Variants in NKAIN2 observed in about 807,000 individuals in gnomAD.
The protein encoded by NKAIN2 is sodium/potassium transporting ATPase interacting 2.
In NKAIN2, 14 loss-of-function variants were observed where a neutral mutation model predicts 32.6. The ratio of observed to expected loss-of-function variants is 0.43; its 90% CI spans 0.28 to 0.67. The LOEUF (loss-of-function observed/expected upper bound fraction) is 0.67. Among genes scored for constraint, NKAIN2 ranks in the 30% least tolerant of loss-of-function variants. The pLI is 0.17. For missense variants in NKAIN2, 198 were observed against 258.3 expected (o/e 0.77, Z 1.60); for synonymous variants, 80 against 87.2 (o/e 0.92, Z 0.46).
chr6:124,094,054 T>G (rs920245788), intron 1 of NKAIN2, among the ~76,000 whole-genome samples: 1 of 152,180 alleles, frequency 6.6e-6, no homozygotes, highest in African/African-American at 2.4e-5. Context: ...AACAGAGCTA[T>G]AGATGATCTC....
At chr6:124,814,859 G>A (rs530827815) in intron 5 of NKAIN2, among the ~76,000 whole-genome samples, 1 of 151,896 alleles carries the variant, frequency 6.6e-6, no homozygotes, top group Non-Finnish European at 1.5e-5. Context: ...TTTTTTTTCT[G>A]CCATCCCTCC....
chr6:124,504,984 A>G (rs1778421153), intron 3 of NKAIN2, among the ~76,000 whole-genome samples: 2 of 152,198 alleles, frequency 1.3e-5, no homozygotes, highest in Admixed American at 6.5e-5. Context: ...ATTTCACTAC[A>G]GGATGAGACT....
At position 124,688,112 on chromosome 6, in the gene NKAIN2, C is replaced by T. The variant is rs1270157039; in HGVS notation, c.474+29726C>T. ...TCTAATCTCCCAAATTTGATGATAACACTGAGTTTCTGTTAATTTACTTTT... is the reference window on the plus strand; with the variant it reads ...TCTAATCTCCCAAATTTGATGATAATACTGAGTTTCTGTTAATTTACTTTT... On this transcript the variant is annotated intron_variant, in intron 4 of 6. Transcript: ENST00000368417. Among the ~76,000 whole-genome samples the T allele has an allele frequency of 2.0e-5, 3 of 152,102 alleles. 1 individual carries two copies. The highest frequency in any genetic ancestry group is 2.4e-5 in the African/African-American group (1 of 41,500).
chr6:124,222,439 G>A (rs1435309974), intron 1 of NKAIN2, among the ~76,000 whole-genome samples: 1 of 152,190 alleles, frequency 6.6e-6, no homozygotes, highest in African/African-American at 2.4e-5. Flanking sequence ...ACAGTACAGG[G>A]TTGGGAGCAT....
chr6:124,246,756 C>A (rs552000598), intron 1 of NKAIN2, among the ~76,000 whole-genome samples: 1 of 152,040 alleles, frequency 6.6e-6, no homozygotes, highest in Non-Finnish European at 1.5e-5. Flanking sequence ...AGCTATCACC[C>A]GTTTTCTCTC....
intron 1 of NKAIN2, among the ~76,000 whole-genome samples, chr6:124,103,029 A>G (rs1364095831): frequency 2.0e-5 from 3 of 152,194 alleles, no homozygotes; most frequent in Non-Finnish European, 2.9e-5. Context: ...CTGAAAATCG[A>G]TGACTAAGAG....
chr6:123,851,900 TA>T (rs1390115680), intron 1 of NKAIN2, among the ~76,000 whole-genome samples: 1 of 152,238 alleles, frequency 6.6e-6, no homozygotes, highest in African/African-American at 2.4e-5. Flanking sequence ...TCAGTCTGTT[TA>T]TTTTTTAATT....
intron 1 of NKAIN2, among the ~76,000 whole-genome samples, chr6:123,995,854 A>G (rs1779600781): frequency 6.6e-6 from 1 of 152,198 alleles, no homozygotes; most frequent in South Asian, 2.1e-4. Context: ...CTGAAATATT[A>G]TGTCTGTCAT....
intron 1 of NKAIN2, among the ~76,000 whole-genome samples, chr6:124,252,784 G>C (rs1793746234): frequency 6.6e-6 from 1 of 151,994 alleles, no homozygotes; most frequent in African/African-American, 2.4e-5. Context: ...GTGATTTTAG[G>C]CAAGTTACTT....
chr6:123,866,518 C>T (rs1023490719), intron 1 of NKAIN2, among the ~76,000 whole-genome samples: 1 of 152,082 alleles, frequency 6.6e-6, no homozygotes, highest in African/African-American at 2.4e-5. Flanking sequence ...GCAAGCTCCG[C>T]CTCCTGGATT....
At chr6:124,651,209 C>G (rs146530927) in intron 3 of NKAIN2, among the ~76,000 whole-genome samples, 167 of 151,924 alleles carry the variant, frequency 1.1e-3, no homozygotes, top group African/African-American at 3.8e-3. Flanking sequence ...TTTAGGCAGC[C>G]CCACCTCTAT....
At position 123,937,491 on chromosome 6, in the gene NKAIN2, A is replaced by G. The variant is rs1776571068; in HGVS notation, c.54+133237A>G. Among the ~76,000 whole-genome samples the G allele has an allele frequency of 5.3e-5, 8 of 152,234 alleles. No homozygotes were observed. The South Asian group carries it at 1.7e-3, about 32-fold the overall frequency. On this transcript the variant is annotated intron_variant, in intron 1 of 6. Coordinates refer to ENST00000368417, the MANE Select transcript of NKAIN2 (RefSeq NM_001040214.3). ...TTGACACTTATTTGCTCCAGTTTAT[A>G]TAATAAAAACATTGAGAGTGTACGA...
chr6:124,638,154 C>A (rs1049720910), intron 3 of NKAIN2, among the ~76,000 whole-genome samples: 2 of 152,118 alleles, frequency 1.3e-5, no homozygotes, highest in Non-Finnish European at 2.9e-5. Context: ...CAAGAACATA[C>A]ATTGGAGAAA....
intron 1 of NKAIN2, among the ~76,000 whole-genome samples, chr6:123,928,152 A>C (rs1358670502): frequency 1.3e-5 from 2 of 152,210 alleles, no homozygotes; most frequent in Non-Finnish European, 2.9e-5. Context: ...ATGCAGAAAC[A>C]AAAAACCAAA....
At chr6:124,630,176 G>C (rs1034495702) in intron 3 of NKAIN2, among the ~76,000 whole-genome samples, 3 of 152,126 alleles carry the variant, frequency 2.0e-5, no homozygotes, top group African/African-American at 7.2e-5. Flanking sequence ...ATAAATCCAG[G>C]CTCCATACAC....
intron 3 of NKAIN2, among the ~76,000 whole-genome samples, chr6:124,380,555 A>G (rs866194234): frequency 6.6e-6 from 1 of 152,182 alleles, no homozygotes; most frequent in Non-Finnish European, 1.5e-5. Flanking sequence ...ATAGAAAAGC[A>G]AGGGCTGGAA....
intron 3 of NKAIN2, among the ~76,000 whole-genome samples, chr6:124,491,293 G>A (rs1777855050): frequency 6.6e-6 from 1 of 151,842 alleles, no homozygotes; most frequent in Admixed American, 6.6e-5. Flanking sequence ...GAGAGCTTGA[G>A]CTCTGCTCTA....
At chr6:124,621,427 A>G (rs184651068) in intron 3 of NKAIN2, among the ~76,000 whole-genome samples, 1 of 151,944 alleles carries the variant, frequency 6.6e-6, no homozygotes, top group Non-Finnish European at 1.5e-5. Context: ...CTTCTCTCCT[A>G]CTCTTGGTTT....
chr6:124,027,908 A>T (rs918479246), intron 1 of NKAIN2, among the ~76,000 whole-genome samples: 1 of 152,096 alleles, frequency 6.6e-6, no homozygotes, highest in African/African-American at 2.4e-5. Flanking sequence ...CACTTAATCA[A>T]AATGTGTGGA....
Sources: allele counts gnomAD v4.1 joint callset (sites outside exome capture counted in the v4.1 genomes callset), GRCh38; gene constraint gnomAD v4.1.1; transcripts MANE v1.5; gene names NCBI Gene and HGNC (gene_info 2026-07-23, HGNC 2026-07-21).